SUCLA2: variants seen among roughly 807,000 people sequenced by gnomAD.
SUCLA2 encodes the protein succinate-CoA ligase ADP-forming subunit beta, also known as succinate--CoA ligase [ADP-forming] subunit beta, mitochondrial.
A neutral mutation model predicts 54.8 loss-of-function variants in SUCLA2; 30 were observed. The ratio of observed to expected loss-of-function variants is 0.55; its 90% CI spans 0.41 to 0.74. SUCLA2 has a LOEUF of 0.74. Ranked by LOEUF, SUCLA2 falls within the 30% of genes least tolerant of loss-of-function variation. The pLI, the probability that SUCLA2 is intolerant of heterozygous loss-of-function variation, is 0.00. For missense variants in SUCLA2, 476 were observed against 562.9 expected, an observed-to-expected ratio of 0.85 and a Z score of 1.56; for synonymous variants, 172 against 188.9, an observed-to-expected ratio of 0.91 and a Z score of 0.74.
intron 5 of SUCLA2, chr13:47,971,705 A>C (rs1376817865): frequency 1.5e-5 from 6 of 390,702 alleles, no homozygotes; most frequent in African/African-American, 4.1e-5. Context: ...ATCATTCATA[A>C]ACCACAGCTC....
chr13:47,974,651 A>G (rs969489014), intron 4 of SUCLA2, among the ~76,000 whole-genome samples: 7 of 152,216 alleles, frequency 4.6e-5, no homozygotes, highest in Admixed American at 6.5e-5. Flanking sequence ...AGCTCTGGCT[A>G]TTGTCATGAA....
Position 48,000,813 on chromosome 13 carries a change from CA to C in SUCLA2, c.90+366del, listed in dbSNP as rs1310141697. ...CTTTTGAAGGGCATTCCCCCCTGCC[CA>C]AAAAGGGGCGGCGCAAGTCTCAGCC... is the stretch of plus-strand genomic sequence containing the variant. On this transcript the variant is annotated intron_variant, in intron 1 of 10. Transcript: ENST00000646932. 6.4e-5 allele frequency: 70 copies of C among 1,087,880 alleles called. No homozygotes were observed. The South Asian group carries it at 7.5e-4, about 12-fold the overall frequency. 67.4% of individuals were successfully genotyped at this position (1,087,880 alleles called of 1,614,324 possible).
intron 4 of SUCLA2, among the ~76,000 whole-genome samples, chr13:47,975,871 T>A (rs1229912025): frequency 2.0e-5 from 3 of 152,024 alleles, no homozygotes; most frequent in African/African-American, 7.2e-5. Context: ...TGATTAGAGG[T>A]TTGGGGCTTT....
In SUCLA2 at chr13:47,973,412, A is replaced by C; in HGVS notation, c.535-20T>G. 1 of 1,611,878 alleles carries C rather than the reference A, an allele frequency of 6.2e-7. No homozygotes were observed. The highest frequency in any genetic ancestry group is 8.5e-7 in the Non-Finnish European group (1 of 1,179,604). ...AGGACCCTGGCAAGGGAAGTAAACA[A>C]CCAAAACTCTAGATTTATTTTAGAC... On this transcript the variant is annotated intron_variant, in intron 4 of 10. Transcript: ENST00000646932.
At position 47,954,199 on chromosome 13, in the gene SUCLA2, C is replaced by T. The variant is rs1593479635; in HGVS notation, c.1048G>A (p.Gly350Ser). The T allele has an allele frequency of 1.9e-6, 3 of 1,613,816 alleles. No homozygotes were observed. In the East Asian group the frequency reaches 6.7e-5, roughly 36 times the overall value. The change falls in exon 8 of 11, where the codon GGT becomes AGT. Residue 350 changes from glycine (G) to serine (S), a missense_variant. Physicochemically the swap from Gly to Ser is moderately conservative, Grantham distance 56. Transcript: ENST00000646932. ...GTTACTTGATGGACTGTAGCACCAC[C>T]ACCAACATCAAGGAAGTTGGCTGGA... is the stretch of plus-strand genomic sequence containing the variant. Reference protein sequence around the residue: ...GTPANFLDVGGGATVHQVTEA... With the variant: ...GTPANFLDVGSGATVHQVTEA...
At chr13:47,943,766 G>GTATATATATATATATATA (rs1555255588) in intron 10 of SUCLA2, among the ~76,000 whole-genome samples, 131 of 139,654 alleles carry the variant, frequency 9.4e-4, no homozygotes, top group African/African-American at 2.5e-3. Context: ...GTGTGTGTGT[G>GTATATATATATATATATA]TATATATATA....
At chr13:47,964,435 C>CAT (rs1949899181) in intron 6 of SUCLA2, among the ~76,000 whole-genome samples, 1 of 152,054 alleles carries the variant, frequency 6.6e-6, no homozygotes, top group Non-Finnish European at 1.5e-5. Context: ...TAAAATTATA[C>CAT]ATATACACAC....
chr13:47,982,710 T>C (rs1426923527), intron 4 of SUCLA2, among the ~76,000 whole-genome samples: 1 of 89,244 alleles, frequency 1.1e-5, no homozygotes, highest in African/African-American at 3.4e-5. Context: ...TTTTTGACAA[T>C]CTAAAAAAAA....
chr13:47,980,501 T>C (rs1950052002), intron 4 of SUCLA2, among the ~76,000 whole-genome samples: 1 of 152,130 alleles, frequency 6.6e-6, no homozygotes, highest in East Asian at 1.9e-4. Flanking sequence ...GACTTAATAT[T>C]GTTAAACTGT....
At chr13:47,962,709 G>A (rs1949880691) in intron 6 of SUCLA2, among the ~76,000 whole-genome samples, 1 of 150,940 alleles carries the variant, frequency 6.6e-6, no homozygotes, top group Non-Finnish European at 1.5e-5. Flanking sequence ...TCCTCAGCAT[G>A]AAGCAGCCAG....
At chr13:47,994,745 C>CT (rs1950177622) in intron 2 of SUCLA2, 2 of 785,910 alleles carry the variant, frequency 2.5e-6, no homozygotes, top group African/African-American at 3.8e-5. Flanking sequence ...AAAAAACACA[C>CT]TTTCTAAATG....
intron 6 of SUCLA2, among the ~76,000 whole-genome samples, chr13:47,960,434 T>C (rs549128478): frequency 3.3e-5 from 5 of 152,066 alleles, no homozygotes; most frequent in Admixed American, 1.3e-4. Context: ...AAAATAATAA[T>C]AAAAGACAAG....
chr13:47,947,335 C>CA (rs1251259640), intron 10 of SUCLA2, among the ~76,000 whole-genome samples: 3 of 149,966 alleles, frequency 2.0e-5, no homozygotes, highest in Admixed American at 6.6e-5. Flanking sequence ...ACAAAAAAAA[C>CA]AAAAAACAAA....
At chr13:47,979,063 G>T (rs1176384611) in intron 4 of SUCLA2, among the ~76,000 whole-genome samples, 1 of 152,186 alleles carries the variant, frequency 6.6e-6, no homozygotes, top group Non-Finnish European at 1.5e-5. Context: ...TTACACTTTT[G>T]GTGGGAGTGT....
At chr13:47,959,898 T>A (rs1480622730) in intron 6 of SUCLA2, among the ~76,000 whole-genome samples, 1 of 152,204 alleles carries the variant, frequency 6.6e-6, no homozygotes, top group African/African-American at 2.4e-5. Flanking sequence ...ATATTTCACA[T>A]ACATGCTTAC....
intron 4 of SUCLA2, among the ~76,000 whole-genome samples, chr13:47,979,154 C>G (rs1950041459): frequency 6.6e-6 from 1 of 152,180 alleles, no homozygotes; most frequent in East Asian, 1.9e-4. Flanking sequence ...ACCCAGCAAT[C>G]CCATTACTGA....
intron 1 of SUCLA2, among the ~76,000 whole-genome samples, chr13:47,998,146 T>A (rs969268492): frequency 6.6e-6 from 1 of 152,072 alleles, no homozygotes; most frequent in Non-Finnish European, 1.5e-5. Context: ...GCACAGTGGC[T>A]TACACCTATA....
intron 2 of SUCLA2, among the ~76,000 whole-genome samples, chr13:47,995,166 G>A (rs1950181109): frequency 6.6e-6 from 1 of 152,078 alleles, no homozygotes. Context: ...ACTAGCCTGG[G>A]CAACATAGTG....
intron 6 of SUCLA2, among the ~76,000 whole-genome samples, chr13:47,963,657 C>CA (rs57458473): frequency 6.7e-5 from 10 of 149,484 alleles, no homozygotes; most frequent in South Asian, 4.2e-4. Flanking sequence ...AACAAACAAA[C>CA]AAAAAAAAAA....
Sources: gnomAD v4.1 joint callset for allele counts (sites outside exome capture counted in the v4.1 genomes callset) on GRCh38, gnomAD v4.1.1 for gene constraint, MANE v1.5 for transcripts, NCBI Gene and HGNC (gene_info 2026-07-23, HGNC 2026-07-21) for gene names.